Variants in NCAM2 observed in about 807,000 individuals in gnomAD.
NCAM2 encodes the protein N-CAM-2.
In NCAM2, 30 loss-of-function variants were observed where a neutral mutation model predicts 98.1. The observed-to-expected ratio is 0.31, with a 90% CI of 0.23 to 0.41. The LOEUF is 0.41. Among genes scored for constraint, NCAM2 ranks in the 10% least tolerant of loss-of-function variants. The probability of loss-of-function intolerance (pLI) is 1.00; values close to 1 mark genes in which losing one functional copy is unlikely to be tolerated. For synonymous variants in NCAM2, 368 were observed against 342.4 expected (o/e 1.07, Z -0.83); for missense variants, 867 against 1,005.8 (o/e 0.86, Z 1.87).
At chr21:21,012,427 A>G (rs1044258278) in intron 1 of NCAM2, among the ~76,000 whole-genome samples, 10 of 152,172 alleles carry the variant, frequency 6.6e-5, no homozygotes, top group East Asian at 3.9e-4. Context: ...GTGAAATTAC[A>G]TCAGTTTAGG....
chr21:21,477,211 C>A, intron 14 of NCAM2, 80 bp from the exon 15 acceptor site: 1 of 1,085,576 alleles, frequency 9.2e-7, no homozygotes, highest in South Asian at 2.1e-5. Flanking sequence ...TATATTGTTC[C>A]AATTCCAATA....
intron 1 of NCAM2, among the ~76,000 whole-genome samples, chr21:21,102,409 T>C (rs2066261475): frequency 6.6e-6 from 1 of 152,044 alleles, no homozygotes; most frequent in Admixed American, 6.6e-5. Flanking sequence ...ATACAGGATT[T>C]CTCAGGTTAT....
At chr21:21,104,704 G>A (rs1042292934) in intron 1 of NCAM2, among the ~76,000 whole-genome samples, 6 of 152,170 alleles carry the variant, frequency 3.9e-5, no homozygotes, top group East Asian at 1.9e-4. Flanking sequence ...GCAAGGTGTG[G>A]TAACAAGCTA....
intron 1 of NCAM2, among the ~76,000 whole-genome samples, chr21:21,105,029 C>G (rs894976507): frequency 2.6e-5 from 4 of 152,080 alleles, no homozygotes; most frequent in Non-Finnish European, 4.4e-5. Flanking sequence ...GGTTGCTACC[C>G]TAGCCAACAG....
intron 8 of NCAM2, among the ~76,000 whole-genome samples, chr21:21,347,985 G>A (rs763808715): frequency 3.9e-5 from 6 of 151,964 alleles, no homozygotes; most frequent in African/African-American, 4.8e-5. Flanking sequence ...AGCCATATAC[G>A]ACAGACCTAC....
At chr21:21,113,899 AT>A (rs1376991227) in intron 1 of NCAM2, among the ~76,000 whole-genome samples, 3 of 152,110 alleles carry the variant, frequency 2.0e-5, no homozygotes, top group East Asian at 3.9e-4. Context: ...CTTTATTTCT[AT>A]TTGTATGACC....
At position 21,132,394 on chromosome 21, in the gene NCAM2, C is replaced by CTTTT. The variant is rs10679055; in HGVS notation, c.55+133783_55+133786dup. 1.9e-3 allele frequency among the ~76,000 whole-genome samples: 277 copies of CTTTT among 149,562 alleles called. 1 individual carries two copies. Among genetic ancestry groups the CTTTT allele is most frequent in the African/African-American group, 6.5e-3 (266 of 40,842 alleles). On this transcript the variant is annotated intron_variant, in intron 1 of 17. Coordinates refer to ENST00000400546, the MANE Select transcript of NCAM2 (RefSeq NM_004540.5). ...CTGTACTTAATCACATCTGTAAAGT[C>CTTTT]TTTTTTTTTTCATATAATTCAACAT...
intron 1 of NCAM2, among the ~76,000 whole-genome samples, chr21:21,055,307 T>G (rs1235567079): frequency 6.6e-6 from 1 of 152,038 alleles, no homozygotes; most frequent in East Asian, 1.9e-4. Context: ...TCAGATAATT[T>G]GTATGTGTCT....
At chr21:21,218,538 G>T (rs1031597230) in intron 1 of NCAM2, among the ~76,000 whole-genome samples, 2 of 152,154 alleles carry the variant, frequency 1.3e-5, no homozygotes, top group Admixed American at 6.5e-5. Context: ...AAAATAGAAA[G>T]ATTATTATAT....
intron 11 of NCAM2, among the ~76,000 whole-genome samples, chr21:21,420,646 A>T (rs753280755): frequency 9.2e-5 from 14 of 151,962 alleles, no homozygotes; most frequent in Non-Finnish European, 1.9e-4. Flanking sequence ...TTGATCGTAA[A>T]GGCCAAGAAG....
intron 5 of NCAM2, among the ~76,000 whole-genome samples, chr21:21,303,221 A>T (rs1255243157): frequency 6.6e-6 from 1 of 151,922 alleles, no homozygotes; most frequent in Non-Finnish European, 1.5e-5. Context: ...TAAAGTTGAA[A>T]AAAAAAAGAA....
At chr21:21,242,327 ATT>A (rs1300810741) in intron 1 of NCAM2, among the ~76,000 whole-genome samples, 1 of 152,148 alleles carries the variant, frequency 6.6e-6, no homozygotes, top group Admixed American at 6.5e-5. Context: ...TAACATACTT[ATT>A]TTTTTGTAGT....
At chr21:21,404,933 G>C (rs1034186238) in intron 9 of NCAM2, among the ~76,000 whole-genome samples, 4 of 151,106 alleles carry the variant, frequency 2.6e-5, no homozygotes, top group Admixed American at 6.6e-5. Flanking sequence ...AAACTCTAAG[G>C]GTTTTTATTT....
At chr21:21,232,957 T>C (rs982119142) in intron 1 of NCAM2, among the ~76,000 whole-genome samples, 2 of 151,668 alleles carry the variant, frequency 1.3e-5, no homozygotes, top group African/African-American at 4.8e-5. Context: ...AGAAAATTTC[T>C]ATATTTCTAC....
At chr21:21,489,237 C>T (rs1326437582) in intron 15 of NCAM2, among the ~76,000 whole-genome samples, 1 of 152,156 alleles carries the variant, frequency 6.6e-6, no homozygotes, top group Non-Finnish European at 1.5e-5. Context: ...CCAATTGATC[C>T]TCCTGCTTCA....
intron 1 of NCAM2, among the ~76,000 whole-genome samples, chr21:21,124,751 T>C (rs1362096316): frequency 1.3e-5 from 2 of 152,302 alleles, no homozygotes; most frequent in East Asian, 3.9e-4. Flanking sequence ...ACCCTAGTGC[T>C]ATCACCATCC....
chr21:21,252,052 A>T (rs1208438550), intron 1 of NCAM2, among the ~76,000 whole-genome samples: 1 of 152,072 alleles, frequency 6.6e-6, no homozygotes, highest in Non-Finnish European at 1.5e-5. Context: ...ATATGAACAG[A>T]CCCTTTTCAA....
At chr21:21,382,782 G>A (rs1375900339) in intron 9 of NCAM2, among the ~76,000 whole-genome samples, 2 of 151,606 alleles carry the variant, frequency 1.3e-5, no homozygotes, top group African/African-American at 4.8e-5. Flanking sequence ...TGTCTGTCTC[G>A]GCCTCCCAAA....
At chr21:21,498,771 A>T (rs1287249038) in intron 15 of NCAM2, among the ~76,000 whole-genome samples, 1 of 152,206 alleles carries the variant, frequency 6.6e-6, no homozygotes, top group Non-Finnish European at 1.5e-5. Context: ...AAAAGTTATA[A>T]TTTTATGTTT....
Sources: allele counts gnomAD v4.1 joint callset (sites outside exome capture counted in the v4.1 genomes callset), GRCh38; gene constraint gnomAD v4.1.1; transcripts MANE v1.5; gene names NCBI Gene and HGNC (gene_info 2026-07-23, HGNC 2026-07-21).